The following CRLF2 variants were observed in gnomAD, a reference collection of about 807,000 sequenced individuals.
CRLF2 encodes the protein cytokine receptor like factor 2.
CRLF2 carries 41 observed loss-of-function variants against 38.7 expected under a neutral mutation model. That is an observed-to-expected ratio of 1.06 (90% confidence interval 0.83 to 1.37). The LOEUF (loss-of-function observed/expected upper bound fraction) is 1.37. CRLF2 is among the 40% of genes most tolerant of loss of function. The probability of loss-of-function intolerance (pLI) is 0.00; values close to 1 mark genes in which losing one functional copy is unlikely to be tolerated. For missense variants in CRLF2, 377 were observed against 322.2 expected, an observed-to-expected ratio of 1.17 and a Z score of -1.30; for synonymous variants, 140 against 128.8, an observed-to-expected ratio of 1.09 and a Z score of -0.59.
chrX:1,206,393 A>G, intron 3 of CRLF2, 40 bp downstream of exon 3: 3 of 1,575,462 alleles, frequency 1.9e-6, no homozygotes, highest in Non-Finnish European at 2.6e-6. Flanking sequence ...AGCTGAAGGA[A>G]GTACTGAAAA....
At chrX:1,203,920 A>C (rs1455520738) in intron 3 of CRLF2, among the ~76,000 whole-genome samples, 10 of 152,218 alleles carry the variant, frequency 6.6e-5, no homozygotes, top group African/African-American at 2.2e-4. Flanking sequence ...CTAAAAAATA[A>C]AAAAGTAAAA....
chrX:1,191,390 T>C (rs1361113901), intron 7 of CRLF2, among the ~76,000 whole-genome samples: 2 of 147,970 alleles, frequency 1.4e-5, no homozygotes, highest in Non-Finnish European at 3.0e-5. Context: ...CTTTCTCTCT[T>C]TCTCTCTTTC....
intron 6 of CRLF2, among the ~76,000 whole-genome samples, chrX:1,193,955 C>T (rs1382369648): frequency 6.7e-6 from 1 of 149,286 alleles, no homozygotes; most frequent in African/African-American, 2.5e-5. Context: ...AGCGAGACTC[C>T]GTCTCAAAAA....
rs1426870273 is a variant in CRLF2, at chrX:1,195,083, C to G, written c.767+1697G>C. ...AGAAAATGACTCAACCTCCCACCTA[C>G]TGGGGAGGCTGAGGCAGGAGAATTG... On this transcript the variant is annotated intron_variant, in intron 6 of 7. Transcript: ENST00000400841. 1.8e-3 allele frequency among the ~76,000 whole-genome samples: 267 copies of G among 151,466 alleles called. 1 individual carries two copies. The highest frequency in any genetic ancestry group is 6.2e-3 in the African/African-American group (257 of 41,320).
intron 4 of CRLF2, among the ~76,000 whole-genome samples, chrX:1,201,526 G>GATGATACATAGATAGATGATAGAGAGAT (rs1555888119): frequency 1.4e-5 from 2 of 145,940 alleles, no homozygotes; most frequent in Non-Finnish European, 1.5e-5. Flanking sequence ...CGATGAGAGA[G>GATGATACATAGATAGATGATAGAGAGAT]AGATAGATGA....
At chrX:1,203,627 G>C (rs1603398055) in intron 3 of CRLF2, among the ~76,000 whole-genome samples, 1 of 151,710 alleles carries the variant, frequency 6.6e-6, no homozygotes, top group African/African-American at 2.4e-5. Flanking sequence ...AGAGACTGGA[G>C]TGATGCGGCC....
At chrX:1,193,067 C>T (rs2086421408) in intron 7 of CRLF2, among the ~76,000 whole-genome samples, 151 bp downstream of exon 7, 1 of 151,904 alleles carries the variant, frequency 6.6e-6, no homozygotes, top group Non-Finnish European at 1.5e-5. Context: ...CCCACCTCGG[C>T]CTCCCAAAGT....
rs1327260328 is a variant in CRLF2, at chrX:1,208,928, T to A, written c.80-20A>T. On this transcript the variant is annotated intron_variant, in intron 1 of 7. Transcript: ENST00000400841. The stretch of plus-strand genomic sequence containing the variant: ...CTTCTGCTAGACACAGAGAGACGCA[T>A]GAAGTTCACGGTGAGGCAACTCTAT... The A allele has an allele frequency of 7.4e-7, 1 of 1,352,970 alleles. No individual in the cohort carries two copies. The highest frequency in any genetic ancestry group is 1.4e-5 in the African/African-American group (1 of 69,788). The allele number at this position is 1,352,970 out of a possible 1,614,324, so 83.8% of individuals were successfully genotyped here.
chrX:1,211,323 AG>A (rs2086795081), intron 1 of CRLF2, among the ~76,000 whole-genome samples: 1 of 102,200 alleles, frequency 9.8e-6, no homozygotes, highest in Non-Finnish European at 2.1e-5. Flanking sequence ...ATGCATGGAT[AG>A]ATGGATGTAT....
In CRLF2 at chrX:1,196,914, A is replaced by G. The variant is rs775629862; in HGVS notation, c.647-14T>C. 2 of 1,610,954 alleles carry G rather than the reference A, an allele frequency of 1.2e-6. No individual in the cohort carries two copies. Among genetic ancestry groups the G allele is most frequent in the Middle Eastern group, 1.7e-4 (1 of 6,002 alleles). ...CTGCACAGGCATCTGAAACAAAATG[A>G]AAAGGCGGCTGTCAGTTTTCAACAT... On this transcript the variant is annotated splice_polypyrimidine_tract_variant and intron_variant, in intron 5 of 7. Transcript: ENST00000400841.
At chrX:1,209,394 C>G (rs1233391656) in intron 1 of CRLF2, among the ~76,000 whole-genome samples, 3 of 151,286 alleles carry the variant, frequency 2.0e-5, no homozygotes, top group East Asian at 2.0e-4. Context: ...TGCAGTGGCG[C>G]AATCTCGGCT....
At chrX:1,211,236 G>C (rs1214043455) in intron 1 of CRLF2, among the ~76,000 whole-genome samples, 1 of 150,406 alleles carries the variant, frequency 6.6e-6, no homozygotes, top group Non-Finnish European at 1.5e-5. Flanking sequence ...TACATGGATG[G>C]GTGGGTGGGT....
At chrX:1,201,644 ATACAT>A (rs781786135) in intron 4 of CRLF2, among the ~76,000 whole-genome samples, 5,882 of 144,390 alleles carry the variant, frequency 0.041, 146 homozygotes, top group East Asian at 0.1. Context: ...TAAATAGATG[ATACAT>A]TAGATAGAGA....
At position 1,192,748 on chromosome X, in the gene CRLF2, CTTTCTTTCTTTCT is replaced by C. The variant is rs2086414100; in HGVS notation, c.852+457_852+469del. On this transcript the variant is annotated intron_variant, in intron 7 of 7. Transcript: ENST00000400841. ...TCTTTCTTTCTTTCTTTCTTTCTTTCTTTCTTTCTTTCTTTCTTTCCTTCCTTCCTCTCTCCCC... is the reference window on the plus strand; with the variant it reads ...TCTTTCTTTCTTTCTTTCTTTCTTTCTTCTTTCCTTCCTTCCTCTCTCCCC... Among the ~76,000 whole-genome samples, 555 of 119,020 alleles carry C rather than the reference CTTTCTTTCTTTCT, an allele frequency of 4.7e-3. 4 individuals carry two copies. Among genetic ancestry groups the C allele is most frequent in the African/African-American group, 0.017 (528 of 31,614 alleles). 78.1% of individuals were successfully genotyped at this position (119,020 alleles called of 152,430 possible). A position where few individuals can be genotyped will look rare whatever the true frequency, so the allele number is the denominator to read the frequency against.
At chrX:1,192,712 C>CT (rs1240566671) in intron 7 of CRLF2, among the ~76,000 whole-genome samples, 92 of 13,894 alleles carry the variant, frequency 6.6e-3, no homozygotes, top group Middle Eastern at 0.062. Context: ...CTTTTCTTTT[C>CT]TTTCTTTCTT....
In CRLF2 at chrX:1,209,525, G is replaced by T. The variant is rs1168032951; in HGVS notation, c.80-617C>A. ...TTTTTGTACTTTTAGTAGAGATGGGGTTTCACTGTGTTAGCCAGGATGGTC... is the reference window on the plus strand; with the variant it reads ...TTTTTGTACTTTTAGTAGAGATGGGTTTTCACTGTGTTAGCCAGGATGGTC... On this transcript the variant is annotated intron_variant, in intron 1 of 7. Transcript: ENST00000400841. Among the ~76,000 whole-genome samples the T allele has an allele frequency of 4.7e-5, 7 of 150,488 alleles. No individual in the cohort carries two copies. The Admixed American group carries it at 4.7e-4, about 10-fold the overall frequency.
At chrX:1,212,448 A>AG in intron 1 of CRLF2, 108 bp downstream of exon 1, 1 of 698,552 alleles carries the variant, frequency 1.4e-6, no homozygotes, top group African/African-American at 1.8e-5. Context: ...AGAAAAGAAG[A>AG]AAGAAACCTC....
intron 2 of CRLF2, 53 bp downstream of exon 2, chrX:1,208,753 A>G (rs1478565531): frequency 4.8e-6 from 5 of 1,047,674 alleles, no homozygotes; most frequent in Non-Finnish European, 7.5e-6. Context: ...ACGGCTCAGA[A>G]GAGCGATTTT....
At chrX:1,191,295 C>CTCTTTCTTTCTTTCCT in intron 7 of CRLF2, 135 bp from the exon 8 acceptor site, 2 of 329,052 alleles carry the variant, frequency 6.1e-6, no homozygotes, top group Non-Finnish European at 1.0e-5. Flanking sequence ...CTTTTCTTTT[C>CTCTTTCTTTCTTTCCT]TCTTTCTTTC....
Sources: allele counts gnomAD v4.1 joint callset (sites outside exome capture counted in the v4.1 genomes callset), GRCh38; gene constraint gnomAD v4.1.1; transcripts MANE v1.5; gene names NCBI Gene and HGNC (gene_info 2026-07-23, HGNC 2026-07-21).